Variants in DLG2 observed in about 807,000 individuals in gnomAD.
DLG2 encodes the protein discs large MAGUK scaffold protein 2.
DLG2 carries 45 observed loss-of-function variants against 132.5 expected under a neutral mutation model. That is an observed-to-expected ratio of 0.34 (90% CI 0.27 to 0.44). The LOEUF (loss-of-function observed/expected upper bound fraction) is 0.44, where lower values mean the gene tolerates loss of function less well. Among genes scored for constraint, DLG2 ranks in the 20% least tolerant of loss-of-function variants. The pLI is 1.00. For missense variants in DLG2, 1,045 were observed against 1,196.9 expected, an observed-to-expected ratio of 0.87 and a Z score of 1.87; for synonymous variants, 424 against 419.6, an observed-to-expected ratio of 1.01 and a Z score of -0.13.
intron 27 of DLG2, among the ~76,000 whole-genome samples, chr11:83,460,132 G>T (rs908620303): frequency 2.0e-5 from 3 of 152,152 alleles, no homozygotes; most frequent in African/African-American, 7.2e-5. Context: ...GGATATCCTG[G>T]ATCAGTAACA....
intron 6 of DLG2, among the ~76,000 whole-genome samples, chr11:84,821,660 C>CA (rs932793326): frequency 1.5e-5 from 2 of 130,504 alleles, no homozygotes; most frequent in African/African-American, 5.5e-5. Context: ...ACAAAAAAAA[C>CA]AAAAAAACAA....
chr11:84,844,670 A>T (rs1038792608), intron 6 of DLG2, among the ~76,000 whole-genome samples: 1 of 152,128 alleles, frequency 6.6e-6, no homozygotes, highest in Non-Finnish European at 1.5e-5. Flanking sequence ...GTCTCTAGAC[A>T]GTATAAATTA....
At chr11:85,093,333 G>A (rs1045186029) in intron 6 of DLG2, among the ~76,000 whole-genome samples, 10 of 151,702 alleles carry the variant, frequency 6.6e-5, no homozygotes, top group Non-Finnish European at 1.2e-4. Context: ...TTTTTTGTGT[G>A]CATTTTCACT....
chr11:84,118,325 G>A (rs980814177), intron 9 of DLG2, among the ~76,000 whole-genome samples: 2 of 152,158 alleles, frequency 1.3e-5, no homozygotes, highest in Non-Finnish European at 1.5e-5. Context: ...CAGTTTGCCC[G>A]ATGGAAGCCT....
At chr11:85,338,984 G>A (rs373332246) in intron 3 of DLG2, among the ~76,000 whole-genome samples, 4 of 152,100 alleles carry the variant, frequency 2.6e-5, no homozygotes, top group Non-Finnish European at 4.4e-5. Context: ...GAGCCACCAC[G>A]CCCGGCCATG....
chr11:84,252,064 T>G (rs749293181), intron 7 of DLG2, among the ~76,000 whole-genome samples: 2 of 151,952 alleles, frequency 1.3e-5, no homozygotes, highest in Non-Finnish European at 2.9e-5. Context: ...TATGCTATAT[T>G]CAATACAAAA....
Position 83,766,240 on chromosome 11 carries a change from C to T in DLG2, c.1825+20450G>A, listed in dbSNP as rs1014801891. Among the ~76,000 whole-genome samples the T allele has an allele frequency of 1.1e-4, 16 of 151,978 alleles. 1 individual carries two copies. Among genetic ancestry groups the T allele is most frequent in the Admixed American group, 5.2e-4 (8 of 15,244 alleles). ...TCCCAAGTAGCTGGGACTACAGGCA[C>T]GTGCCACCACACCTGGCTAATTTTT... On this transcript the variant is annotated intron_variant, in intron 18 of 27. Transcript: ENST00000376104.
At chr11:85,463,596 T>G (rs535981815) in intron 3 of DLG2, among the ~76,000 whole-genome samples, 1 of 152,020 alleles carries the variant, frequency 6.6e-6, no homozygotes, top group Non-Finnish European at 1.5e-5. Context: ...CTGGGCTACA[T>G]AGTCTATAAA....
intron 18 of DLG2, among the ~76,000 whole-genome samples, chr11:83,739,927 T>C (rs1184425635): frequency 6.6e-6 from 1 of 152,146 alleles, no homozygotes; most frequent in Non-Finnish European, 1.5e-5. Context: ...CCCAAGCATC[T>C]GGGTGGATGG....
intron 7 of DLG2, among the ~76,000 whole-genome samples, chr11:84,524,728 G>C (rs2099314812): frequency 6.6e-6 from 1 of 151,870 alleles, no homozygotes; most frequent in South Asian, 2.1e-4. Flanking sequence ...AATCAGAATA[G>C]TTTTCTAATC....
At chr11:84,004,961 A>G (rs1170649908) in intron 11 of DLG2, among the ~76,000 whole-genome samples, 2 of 144,448 alleles carry the variant, frequency 1.4e-5, no homozygotes, top group Non-Finnish European at 3.1e-5. Context: ...AAAAAAAAAG[A>G]GCCAGAATAG....
At chr11:83,617,147 A>G (rs1431507972) in intron 19 of DLG2, among the ~76,000 whole-genome samples, 3 of 152,208 alleles carry the variant, frequency 2.0e-5, no homozygotes, top group Non-Finnish European at 4.4e-5. Context: ...TAATATTAGA[A>G]TCACTTTGTC....
chr11:84,979,373 C>T (rs1312569406), intron 6 of DLG2, among the ~76,000 whole-genome samples: 1 of 152,142 alleles, frequency 6.6e-6, no homozygotes, highest in African/African-American at 2.4e-5. Flanking sequence ...TTTATTGCAG[C>T]ACTATTCACA....
At chr11:83,681,610 G>T (rs1444930366) in intron 18 of DLG2, among the ~76,000 whole-genome samples, 1 of 152,038 alleles carries the variant, frequency 6.6e-6, no homozygotes, top group Non-Finnish European at 1.5e-5. Context: ...CCGGCAAAAC[G>T]CAGGACTACC....
At chr11:84,086,140 A>T (rs1280043769) in intron 10 of DLG2, among the ~76,000 whole-genome samples, 1 of 152,204 alleles carries the variant, frequency 6.6e-6, no homozygotes, top group Non-Finnish European at 1.5e-5. Flanking sequence ...ACTTGGTTAG[A>T]TTTAAGAACA....
At chr11:84,218,827 G>A (rs2096874953) in intron 8 of DLG2, among the ~76,000 whole-genome samples, 3 of 152,178 alleles carry the variant, frequency 2.0e-5, no homozygotes, top group Admixed American at 6.5e-5. Flanking sequence ...CAGGGAAGCT[G>A]CTAAACATTC....
intron 21 of DLG2, among the ~76,000 whole-genome samples, chr11:83,527,723 C>T (rs1021956544): frequency 5.3e-5 from 8 of 151,492 alleles, no homozygotes; most frequent in Non-Finnish European, 1.2e-4. Context: ...ATAAAAGAGA[C>T]ACACATTGCA....
intron 6 of DLG2, among the ~76,000 whole-genome samples, chr11:85,048,406 C>T (rs1441923201): frequency 6.6e-6 from 1 of 151,916 alleles, no homozygotes; most frequent in Non-Finnish European, 1.5e-5. Context: ...CACTTACTAT[C>T]GTGGTACTCT....
intron 4 of DLG2, among the ~76,000 whole-genome samples, chr11:85,165,263 G>A (rs1440621976): frequency 6.6e-6 from 1 of 152,136 alleles, no homozygotes; most frequent in Admixed American, 6.6e-5. Context: ...ATGTGAAATA[G>A]CTTGACTTCT....
Sources: allele counts gnomAD v4.1 joint callset (sites outside exome capture counted in the v4.1 genomes callset), GRCh38; gene constraint gnomAD v4.1.1; transcripts MANE v1.5; gene names NCBI Gene and HGNC (gene_info 2026-07-23, HGNC 2026-07-21).